NTN1: variants seen among roughly 807,000 people sequenced by gnomAD.
NTN1 encodes the protein netrin-1.
Under a neutral mutation model 54.2 loss-of-function variants are expected in NTN1, and 11 were observed. The ratio of observed to expected loss-of-function variants is 0.20; its 90% CI spans 0.13 to 0.34. The LOEUF (loss-of-function observed/expected upper bound fraction) is 0.34, where lower values mean the gene tolerates loss of function less well. Ranked by LOEUF, NTN1 falls within the 10% of genes least tolerant of loss-of-function variation. The probability of loss-of-function intolerance (pLI) is 1.00; values close to 1 mark genes in which losing one functional copy is unlikely to be tolerated. For synonymous variants in NTN1, 371 were observed against 382.0 expected (o/e 0.97, Z 0.33); for missense variants, 740 against 893.1 (o/e 0.83, Z 2.18).
In NTN1 at chr17:9,239,077, C is replaced by A. The variant is rs1214492513; in HGVS notation, c.1487-563C>A. ...TGGCTTAGGCGTGGGAAGCGGCAGT[C>A]CAAGGTTCCCGGGGCTCTGGAAAAG... On this transcript the variant is annotated intron_variant, in intron 6 of 6. Transcript: ENST00000173229. This position sits in a 1 kb window ranked among gnomAD's most constrained non-coding sequence, Gnocchi z 5.2. 6.6e-6 allele frequency among the ~76,000 whole-genome samples: 1 copy of A among 152,162 alleles called. No individual in the cohort carries two copies. Among genetic ancestry groups the A allele is most frequent in the Admixed American group, 6.5e-5 (1 of 15,282 alleles).
intron 2 of NTN1, among the ~76,000 whole-genome samples, chr17:9,106,589 C>T (rs149354955): frequency 6.6e-6 from 1 of 152,066 alleles, no homozygotes; most frequent in African/African-American, 2.4e-5. Context: ...GCTCGGCTCA[C>T]TGCAACCTCC....
At chr17:9,014,594 G>A in the NTN1 span, among the ~76,000 whole-genome samples, 6 of 152,198 alleles carry the variant, frequency 3.9e-5, no homozygotes, top group Non-Finnish European at 8.8e-5. Flanking sequence ...TCCAAGTCAA[G>A]TTCTTTCAAT....
Position 9,218,655 on chromosome 17 carries a change from G to A in NTN1, c.1412-2513G>A, listed in dbSNP as rs548454833. ...CCTCCTGCCCCGCCCCCCACCCCCG[G>A]GGTGGGGCTTACCTTGGGCGGGCTG... On this transcript the variant is annotated intron_variant, in intron 5 of 6. Transcript: ENST00000173229. Among the ~76,000 whole-genome samples the A allele has an allele frequency of 5.6e-3, 851 of 152,198 alleles. 8 individuals carry two copies. The highest frequency in any genetic ancestry group is 0.02 in the African/African-American group (818 of 41,528).
chr17:9,047,309 A>C (rs1291463092), intron 2 of NTN1, among the ~76,000 whole-genome samples: 1 of 152,194 alleles, frequency 6.6e-6, no homozygotes, highest in African/African-American at 2.4e-5. Context: ...CCACAGTAGA[A>C]CTTTTTTCCT....
chr17:9,147,916 A>G (rs1164549111), intron 2 of NTN1, among the ~76,000 whole-genome samples: 2 of 152,226 alleles, frequency 1.3e-5, no homozygotes, highest in East Asian at 3.8e-4. Flanking sequence ...TTTCACCACA[A>G]AGCATATCAT....
chr17:9,132,530 T>G (rs1194094189), intron 2 of NTN1, among the ~76,000 whole-genome samples: 1 of 152,338 alleles, frequency 6.6e-6, no homozygotes, highest in East Asian at 1.9e-4. Flanking sequence ...ATCCTAGCAC[T>G]GTGTCTGGCA....
intron 2 of NTN1, among the ~76,000 whole-genome samples, chr17:9,073,297 G>A (rs565439025): frequency 6.6e-6 from 1 of 152,314 alleles, no homozygotes; most frequent in South Asian, 2.1e-4. Context: ...GTGGGTGCAA[G>A]GTGATTCAGA....
At chr17:9,043,063 A>G (rs927087236) in intron 2 of NTN1, among the ~76,000 whole-genome samples, 4 of 152,202 alleles carry the variant, frequency 2.6e-5, no homozygotes, top group Middle Eastern at 3.2e-3. Flanking sequence ...CTGCTTTTTG[A>G]GTCAAATCTG....
In NTN1 at chr17:9,242,980, T is replaced by C. The variant is rs1906273802; in HGVS notation, c.*3012T>C. The C allele has an allele frequency of 6.6e-6, 1 of 152,284 alleles. No individual in the cohort carries two copies. Among genetic ancestry groups the C allele is most frequent in the African/African-American group, 2.4e-5 (1 of 41,480 alleles). 9.4% of individuals were successfully genotyped at this position (152,284 alleles called of 1,614,324 possible). A position where few individuals can be genotyped will look rare whatever the true frequency, so the allele number is the denominator to read the frequency against. On this transcript the variant is annotated 3_prime_UTR_variant, in exon 7 of 7. Transcript: ENST00000173229. ...GTGTATTAACCAGAATTGTGCTATG[T>C]AGGTGTTTGTTTGAAGAAAAACATA...
chr17:9,117,204 A>G (rs1031234081), intron 2 of NTN1, among the ~76,000 whole-genome samples: 4 of 152,126 alleles, frequency 2.6e-5, no homozygotes, highest in Non-Finnish European at 5.9e-5. Context: ...CAGGGCAGGG[A>G]GGCAGAGAGG....
chr17:9,187,654 C>CAAAA (rs763852001), intron 5 of NTN1, among the ~76,000 whole-genome samples: 59 of 52,906 alleles, frequency 1.1e-3, no homozygotes, highest in African/African-American at 2.4e-3. Flanking sequence ...CTCATCTCTC[C>CAAAA]AAAAAAAAAA....
intron 2 of NTN1, among the ~76,000 whole-genome samples, chr17:9,142,899 C>T (rs1329178717): frequency 1.3e-5 from 2 of 152,156 alleles, no homozygotes; most frequent in Admixed American, 1.3e-4. Flanking sequence ...AAGTCCGTGT[C>T]TGCTGTTAGA....
At chr17:9,007,405 C>A in the NTN1 span, among the ~76,000 whole-genome samples, 1 of 143,290 alleles carries the variant, frequency 7.0e-6, no homozygotes, top group East Asian at 2.1e-4. Context: ...TTTCTCTCTT[C>A]TTTTCTTCTC....
At chr17:9,097,337 A>C (rs2092135103) in intron 2 of NTN1, among the ~76,000 whole-genome samples, 1 of 152,182 alleles carries the variant, frequency 6.6e-6, no homozygotes, top group Non-Finnish European at 1.5e-5. Flanking sequence ...AAAAAATATG[A>C]AGATATTCTG....
chr17:9,195,170 T>C (rs1004879143), intron 5 of NTN1, among the ~76,000 whole-genome samples: 1 of 149,574 alleles, frequency 6.7e-6, no homozygotes, highest in Non-Finnish European at 1.5e-5. Flanking sequence ...AGGCTGGGGG[T>C]GAACAGGGCC....
chr17:9,035,671 C>T (rs1247327418), intron 2 of NTN1, among the ~76,000 whole-genome samples: 2 of 152,216 alleles, frequency 1.3e-5, no homozygotes, highest in South Asian at 2.1e-4. Flanking sequence ...CTGCTTCAGC[C>T]TCCTGAGTAG....
intron 2 of NTN1, among the ~76,000 whole-genome samples, chr17:9,145,046 C>T (rs367626828): frequency 6.6e-6 from 1 of 152,212 alleles, no homozygotes; most frequent in South Asian, 2.1e-4. Context: ...TGCGCCACCC[C>T]CCGAGGCTGG....
rs1555569108 is a variant in NTN1, at chr17:9,114,166, A to AAATATAT, written c.1019-48646_1019-48645insATATATA. Among the ~76,000 whole-genome samples, 17 of 74,612 alleles carry AAATATAT rather than the reference A, an allele frequency of 2.3e-4. 1 individual carries two copies. The highest frequency in any genetic ancestry group is 7.0e-4 in the African/African-American group (12 of 17,172). The allele number at this position is 74,612 out of a possible 152,430, so 48.9% of individuals were successfully genotyped here. Reference sequence around the variant, plus strand: ...GCCAAAAAAAAAGAAAAAAAAAAAAAATATATATATATATATATATGATTC... The same window carrying AAATATAT: ...GCCAAAAAAAAAGAAAAAAAAAAAAAAATATATATATATATATATATATATATGATTC... On this transcript the variant is annotated intron_variant, in intron 2 of 6. Coordinates refer to ENST00000173229, the MANE Select transcript of NTN1 (RefSeq NM_004822.3).
At chr17:9,129,702 G>T (rs1364127529) in intron 2 of NTN1, among the ~76,000 whole-genome samples, 2 of 152,222 alleles carry the variant, frequency 1.3e-5, no homozygotes, top group Admixed American at 6.5e-5. Flanking sequence ...CATTTGGAAT[G>T]TGGATAACTC....
Sources: allele counts gnomAD v4.1 joint callset (sites outside exome capture counted in the v4.1 genomes callset), GRCh38; gene constraint gnomAD v4.1.1; non-coding constraint Gnocchi (gnomAD v3.1); transcripts MANE v1.5; gene names NCBI Gene and HGNC (gene_info 2026-07-23, HGNC 2026-07-21).